GRM7: variants seen among roughly 807,000 people sequenced by gnomAD.
The protein encoded by GRM7 is metabotropic glutamate receptor 7.
GRM7 carries 35 observed loss-of-function variants against 84.5 expected under a neutral mutation model. The ratio of observed to expected loss-of-function variants is 0.41; its 90% confidence interval spans 0.32 to 0.55. The LOEUF (loss-of-function observed/expected upper bound fraction) is 0.55. Among genes scored for constraint, GRM7 ranks in the 20% least tolerant of loss-of-function variants. GRM7 has a pLI of 0.19. For missense variants in GRM7, 1,003 were observed against 1,194.6 expected (o/e 0.84, Z 2.36); for synonymous variants, 487 against 455.1 (o/e 1.07, Z -0.89).
intron 1 of GRM7, among the ~76,000 whole-genome samples, chr3:6,940,043 G>T (rs79949627): frequency 0.1 from 15,877 of 152,042 alleles, 879 homozygotes; most frequent in African/African-American, 0.13. Flanking sequence ...GGAAATATAT[G>T]AAATATTTAA....
At chr3:7,677,300 ATATTACT>A (rs930216423) in intron 8 of GRM7, among the ~76,000 whole-genome samples, 2 of 148,266 alleles carry the variant, frequency 1.3e-5, no homozygotes, top group African/African-American at 5.0e-5. Context: ...AAAAACTTAC[ATATTACT>A]TATTAATACT....
chr3:7,055,198 TTTC>T (rs886823311), intron 1 of GRM7, among the ~76,000 whole-genome samples: 11 of 151,530 alleles, frequency 7.3e-5, no homozygotes, highest in Non-Finnish European at 8.8e-5. Flanking sequence ...CTTCCTTCAT[TTTC>T]TTCTTCTTCT....
intron 7 of GRM7, among the ~76,000 whole-genome samples, chr3:7,547,496 G>T (rs545713880): frequency 1.1e-4 from 17 of 152,188 alleles, no homozygotes; most frequent in Admixed American, 4.6e-4. Context: ...GTGGGCCACC[G>T]CAAGGCCAAG....
chr3:7,573,102 G>A (rs185770101), intron 7 of GRM7, among the ~76,000 whole-genome samples: 4 of 151,194 alleles, frequency 2.6e-5, no homozygotes, highest in Admixed American at 6.6e-5. Flanking sequence ...CCAAGCACTC[G>A]CTAGCTCCTC....
chr3:7,726,773 C>G (rs1287595404), intron 9 of GRM7, among the ~76,000 whole-genome samples: 1 of 149,316 alleles, frequency 6.7e-6, no homozygotes, highest in African/African-American at 2.5e-5. Context: ...TACAAAACCT[C>G]AATATCATTT....
intron 8 of GRM7, among the ~76,000 whole-genome samples, chr3:7,646,227 T>C (rs145002475): frequency 1.3e-5 from 2 of 152,192 alleles, no homozygotes; most frequent in African/African-American, 4.8e-5. Flanking sequence ...AGTCTCACTC[T>C]GTTGCCCAGG....
At chr3:7,695,861 T>G (rs1390651046) in intron 9 of GRM7, among the ~76,000 whole-genome samples, 2 of 152,186 alleles carry the variant, frequency 1.3e-5, no homozygotes, top group Non-Finnish European at 2.9e-5. Flanking sequence ...TATCATCAAC[T>G]GACATATAGT....
chr3:6,940,573 C>T (rs931689632), intron 1 of GRM7, among the ~76,000 whole-genome samples: 3 of 151,032 alleles, frequency 2.0e-5, no homozygotes, highest in Admixed American at 6.6e-5. Flanking sequence ...GAGAAATTTA[C>T]AAGTTCATTT....
chr3:7,554,766 G>A (rs754977278), intron 7 of GRM7, among the ~76,000 whole-genome samples: 4 of 152,200 alleles, frequency 2.6e-5, no homozygotes, highest in Non-Finnish European at 5.9e-5. Flanking sequence ...TCTATAATCA[G>A]CAGGTTGATA....
chr3:7,145,703 C>T (rs1694085358), intron 1 of GRM7, among the ~76,000 whole-genome samples: 1 of 151,824 alleles, frequency 6.6e-6, no homozygotes. Flanking sequence ...TTGGTGAATG[C>T]CATGTGGGGT....
chr3:7,118,112 A>G (rs73808692), intron 1 of GRM7, among the ~76,000 whole-genome samples: 2,231 of 152,290 alleles, frequency 0.015, 59 homozygotes, highest in African/African-American at 0.052. Context: ...AAGGCTGGGT[A>G]TGGTGGCTTA....
At chr3:7,614,836 G>A (rs1697011603) in intron 8 of GRM7, among the ~76,000 whole-genome samples, 2 of 152,010 alleles carry the variant, frequency 1.3e-5, no homozygotes, top group Non-Finnish European at 2.9e-5. Context: ...ATGTCATTGT[G>A]CCATATGCTT....
At chr3:6,951,060 G>C (rs1331271131) in intron 1 of GRM7, among the ~76,000 whole-genome samples, 1 of 152,134 alleles carries the variant, frequency 6.6e-6, no homozygotes, top group Non-Finnish European at 1.5e-5. Flanking sequence ...TGCACCCACT[G>C]TCCGGCACTC....
chr3:7,230,890 G>C (rs75660694), intron 2 of GRM7, among the ~76,000 whole-genome samples: 3,403 of 152,208 alleles, frequency 0.022, 70 homozygotes, highest in African/African-American at 0.055. Context: ...ATGAATCTTG[G>C]CAGGTTGAGT....
chr3:6,894,370 A>G (rs1156372847), intron 1 of GRM7, among the ~76,000 whole-genome samples: 2 of 152,182 alleles, frequency 1.3e-5, no homozygotes, highest in Non-Finnish European at 2.9e-5. Context: ...ATGTACTGCA[A>G]TAATGAAAGC....
intron 1 of GRM7, among the ~76,000 whole-genome samples, chr3:7,075,173 T>C (rs755695039): frequency 6.4e-4 from 98 of 152,182 alleles, no homozygotes; most frequent in Admixed American, 1.4e-3. Context: ...ATGAATCTTC[T>C]ACAGTAGTTT....
chr3:7,668,747 T>A (rs1397681125), intron 8 of GRM7, among the ~76,000 whole-genome samples: 1 of 152,240 alleles, frequency 6.6e-6, no homozygotes, highest in African/African-American at 2.4e-5. Flanking sequence ...GGGACCATCA[T>A]GAACTGAGAG....
intron 2 of GRM7, among the ~76,000 whole-genome samples, chr3:7,265,676 G>T (rs895492297): frequency 1.3e-5 from 2 of 152,156 alleles, no homozygotes; most frequent in Non-Finnish European, 2.9e-5. Context: ...ATGTGGGGAG[G>T]GTGGACAGAG....
rs556578054 is a variant in GRM7, at chr3:6,898,752, T to A, written c.519+36845T>A. On this transcript the variant is annotated intron_variant, in intron 1 of 9. Transcript: ENST00000357716. The stretch of plus-strand genomic sequence containing the variant: ...TACTCTGGAGGCGAAGGCAGGAAGA[T>A]CACTTGAGCCCAGGAGCTATGATTG... Among the ~76,000 whole-genome samples the A allele has an allele frequency of 2.6e-5, 4 of 150,998 alleles. No individual in the cohort carries two copies. In the South Asian group the frequency reaches 8.4e-4, roughly 32 times the overall value.
Sources: gnomAD v4.1 joint callset for allele counts (sites outside exome capture counted in the v4.1 genomes callset) on GRCh38, gnomAD v4.1.1 for gene constraint, MANE v1.5 for transcripts, NCBI Gene and HGNC (gene_info 2026-07-23, HGNC 2026-07-21) for gene names.